The following SLC13A3 variants were observed in gnomAD, a reference collection of about 807,000 sequenced individuals.
SLC13A3 encodes the protein solute carrier family 13 member 3.
In SLC13A3, 40 loss-of-function variants were observed where a neutral mutation model predicts 59.0. That is an observed-to-expected ratio of 0.68 (90% CI 0.53 to 0.88). SLC13A3 has a LOEUF of 0.88. Among genes scored for constraint, SLC13A3 ranks in the 40% least tolerant of loss-of-function variants. The pLI is 0.00. For synonymous variants in SLC13A3, 317 were observed against 330.3 expected (o/e 0.96, Z 0.44); for missense variants, 699 against 783.2 (o/e 0.89, Z 1.28).
intron 11 of SLC13A3, 138 bp downstream of exon 11, chr20:46,566,091 T>C (rs556406747): frequency 5.8e-6 from 4 of 691,326 alleles, no homozygotes; most frequent in Admixed American, 2.4e-5. Flanking sequence ...AAAATTGTAC[T>C]GTGGTTCTGA....
chr20:46,649,395 A>G (rs1274983961), intron 1 of SLC13A3, among the ~76,000 whole-genome samples: 1 of 152,180 alleles, frequency 6.6e-6, no homozygotes, highest in Admixed American at 6.5e-5. Context: ...GTCCCCCTCA[A>G]GTAGTAAATG....
At chr20:46,670,979 T>C (rs2063088043), upstream of SLC13A3, among the ~76,000 whole-genome samples, 1 of 152,090 alleles carries the variant, frequency 6.6e-6, no homozygotes, top group African/African-American at 2.4e-5. Context: ...TTCAGTTATG[T>C]GTGACTAAAG....
chr20:46,594,509 C>G (rs931504431), intron 5 of SLC13A3, among the ~76,000 whole-genome samples: 1 of 152,078 alleles, frequency 6.6e-6, no homozygotes, highest in South Asian at 2.1e-4. Flanking sequence ...CTGGCAAACC[C>G]TCATACCAAA....
chr20:46,594,044 A>G (rs1376972248), intron 5 of SLC13A3, among the ~76,000 whole-genome samples: 2 of 152,068 alleles, frequency 1.3e-5, no homozygotes, highest in Non-Finnish European at 2.9e-5. Flanking sequence ...TCCTCTCCCC[A>G]GGCTTCTCCT....
rs181241104 is a variant in SLC13A3, at chr20:46,610,724, G to A, written c.378-115C>T. The A allele has an allele frequency of 1.4e-5, 12 of 859,070 alleles. No homozygotes were observed. In the Admixed American group the frequency reaches 3.5e-4, roughly 25 times the overall value. 53.2% of individuals were successfully genotyped at this position (859,070 alleles called of 1,614,324 possible). A position where few individuals can be genotyped will look rare whatever the true frequency, so the allele number is the denominator to read the frequency against. On this transcript the variant is annotated intron_variant, in intron 2 of 12. Transcript: ENST00000279027. ...CCATCCATTTTACAGATGGAAACTT[G>A]AGACTCAAAGCAGAAACCAAATCCA... is the stretch of plus-strand genomic sequence containing the variant.
chr20:46,582,450 TA>T (rs375559843), intron 9 of SLC13A3, among the ~76,000 whole-genome samples: 45,836 of 141,736 alleles, frequency 0.32, 7,860 homozygotes, highest in African/African-American at 0.49. Context: ...TTTTTTTTTT[TA>T]AATTAGCCAA....
In SLC13A3 at chr20:46,563,571, G is replaced by T; in HGVS notation, c.1495-20C>A. ...GATGGCCTGGGCCAGGAAAAGGTGGGAGAGACCCGGAGAGAGACCAACGCA... is the reference window on the plus strand; with the variant it reads ...GATGGCCTGGGCCAGGAAAAGGTGGTAGAGACCCGGAGAGAGACCAACGCA... On this transcript the variant is annotated intron_variant, in intron 11 of 12. Coordinates refer to ENST00000279027, the MANE Select transcript of SLC13A3 (RefSeq NM_022829.6). 6.2e-7 allele frequency: 1 copy of T among 1,610,920 alleles called. No homozygotes were observed. Among genetic ancestry groups the T allele is most frequent in the Non-Finnish European group, 8.5e-7 (1 of 1,178,294 alleles).
At chr20:46,575,778 A>T in intron 9 of SLC13A3, 93 bp from the exon 10 acceptor site, 4 of 645,758 alleles carry the variant, frequency 6.2e-6, no homozygotes, top group Non-Finnish European at 1.0e-5. Flanking sequence ...GGGGACACTC[A>T]GGGGTCCCCA....
At chr20:46,632,764 T>C (rs2062752799) in intron 1 of SLC13A3, among the ~76,000 whole-genome samples, 1 of 152,102 alleles carries the variant, frequency 6.6e-6, no homozygotes, top group South Asian at 2.1e-4. Flanking sequence ...GGTAAAAGGC[T>C]GGGTGCAACA....
At chr20:46,673,504 C>T (rs1445975498), upstream of SLC13A3, among the ~76,000 whole-genome samples, 2 of 152,110 alleles carry the variant, frequency 1.3e-5, no homozygotes, top group Admixed American at 1.3e-4. Flanking sequence ...GCTCAGTCTG[C>T]CTGGATCTCC....
chr20:46,564,153 A>G (rs2061959828), intron 11 of SLC13A3, among the ~76,000 whole-genome samples: 1 of 152,190 alleles, frequency 6.6e-6, no homozygotes, highest in Non-Finnish European at 1.5e-5. Context: ...CTCAACCCAG[A>G]GTTGGCCTCT....
Position 46,651,306 on chromosome 20 carries a change from G to A in SLC13A3, c.111+5C>T, listed in dbSNP as rs760687639. Reference sequence around the variant, plus strand: ...CCGGGGGCGCACAGGCGGAGGAGGCGTTACCTTGGGCGGGAGGGCGAAGAC... The same window carrying A: ...CCGGGGGCGCACAGGCGGAGGAGGCATTACCTTGGGCGGGAGGGCGAAGAC... On this transcript the variant is annotated splice_donor_5th_base_variant and intron_variant, in intron 1 of 12. Transcript: ENST00000279027. 77 of 1,494,754 alleles carry A rather than the reference G, an allele frequency of 5.2e-5. No homozygotes were observed. Among genetic ancestry groups the A allele is most frequent in the Non-Finnish European group, 6.7e-5 (75 of 1,123,790 alleles). The allele number at this position is 1,494,754 out of a possible 1,614,324, so 92.6% of individuals were successfully genotyped here.
At chr20:46,583,462 C>A (rs988787635) in intron 9 of SLC13A3, 110 bp downstream of exon 9, 23 of 1,505,266 alleles carry the variant, frequency 1.5e-5, no homozygotes, top group Admixed American at 2.3e-5. Flanking sequence ...AAAGGAGAAG[C>A]AGGAAGGACC....
At chr20:46,600,257 GAAGGAAAGGAAAGGA>G (rs151135493) in intron 3 of SLC13A3, among the ~76,000 whole-genome samples, 1 of 125,850 alleles carries the variant, frequency 7.9e-6, no homozygotes, top group Admixed American at 8.7e-5. Flanking sequence ...ATGGAGGAAG[GAAGGAAAGGAAAGGA>G]AAGGAAAGGA....
chr20:46,602,807 A>T (rs149311903), intron 3 of SLC13A3, among the ~76,000 whole-genome samples: 33 of 152,326 alleles, frequency 2.2e-4, no homozygotes, highest in African/African-American at 7.9e-4. Flanking sequence ...GTTAGGGTAT[A>T]TCCCTTAATC....
chr20:46,568,108 T>A (rs2146084404), intron 10 of SLC13A3, among the ~76,000 whole-genome samples: 1 of 152,186 alleles, frequency 6.6e-6, no homozygotes, highest in Admixed American at 6.5e-5. Context: ...GAAGACAGCA[T>A]ACAGGGCCAG....
chr20:46,575,129 A>G (rs910948468), intron 10 of SLC13A3, among the ~76,000 whole-genome samples: 1 of 152,080 alleles, frequency 6.6e-6, no homozygotes, highest in Non-Finnish European at 1.5e-5. Context: ...TGACAGAGTG[A>G]AACTCTGTCT....
chr20:46,586,054 AG>A (rs1331973016), intron 8 of SLC13A3, among the ~76,000 whole-genome samples: 9 of 152,262 alleles, frequency 5.9e-5, no homozygotes, highest in African/African-American at 1.7e-4. Flanking sequence ...CATGAAAAAA[AG>A]AATGCAAAAT....
intron 6 of SLC13A3, among the ~76,000 whole-genome samples, chr20:46,589,488 C>G (rs886252640): frequency 7.2e-5 from 11 of 152,154 alleles, no homozygotes; most frequent in Non-Finnish European, 1.6e-4. Context: ...GGCTTAAAAT[C>G]CATGAGTGGG....
Sources: gnomAD v4.1 joint callset for allele counts (sites outside exome capture counted in the v4.1 genomes callset) on GRCh38, gnomAD v4.1.1 for gene constraint, MANE v1.5 for transcripts, NCBI Gene and HGNC (gene_info 2026-07-23, HGNC 2026-07-21) for gene names.